Variants in ELAPOR2 observed in about 807,000 individuals in gnomAD.
ELAPOR2 encodes endosome-lysosome associated apoptosis and autophagy regulator family member 2, also known as endosome/lysosome-associated apoptosis and autophagy regulator family member 2.
In ELAPOR2, 89 loss-of-function variants were observed where a neutral mutation model predicts 120.7. The observed-to-expected ratio is 0.74, with a 90% CI of 0.62 to 0.88. ELAPOR2 has a LOEUF of 0.88. Ranked by LOEUF, ELAPOR2 falls within the 40% of genes least tolerant of loss-of-function variation. The pLI is 0.00. For synonymous variants in ELAPOR2, 444 were observed against 444.9 expected (o/e 1.00, Z 0.03); for missense variants, 1,134 against 1,251.6 (o/e 0.91, Z 1.42).
intron 7 of ELAPOR2, among the ~76,000 whole-genome samples, chr7:86,938,535 T>C (rs560763004): frequency 1.8e-4 from 28 of 152,198 alleles, no homozygotes; most frequent in African/African-American, 5.3e-4. Context: ...ACAAATCATG[T>C]AAAAGTATAA....
Position 86,876,991 on chromosome 7 carries a change from T to A in ELAPOR2, c.*3480A>T, listed in dbSNP as rs1242663034. 6.6e-6 allele frequency: 1 copy of A among 152,158 alleles called. No individual in the cohort carries two copies. The highest frequency in any genetic ancestry group is 1.5e-5 in the Non-Finnish European group (1 of 68,032). The allele number at this position is 152,158 out of a possible 1,614,324, so 9.4% of individuals were successfully genotyped here. On this transcript the variant is annotated 3_prime_UTR_variant, in exon 22 of 22. Coordinates refer to ENST00000450689, the MANE Select transcript of ELAPOR2 (RefSeq NM_001142749.3). ...GTATGTGGTTGCTTTCATACTACAATGGCAGAGTTGAGTAAATGCAATAGA... is the reference window on the plus strand; with the variant it reads ...GTATGTGGTTGCTTTCATACTACAAAGGCAGAGTTGAGTAAATGCAATAGA...
In ELAPOR2 at chr7:86,912,217, A is replaced by T. The variant is rs1276131062; in HGVS notation, c.2024T>A (p.Phe675Tyr). 1 of 1,607,060 alleles carries T rather than the reference A, an allele frequency of 6.2e-7. No individual in the cohort carries two copies. The highest frequency in any genetic ancestry group is 2.2e-5 in the East Asian group (1 of 44,678). ...CTGATTTTCTTTTTCATGGTAGAAAAAGCAGTCACTATAGCAAACCGAATG... is the reference window on the plus strand; with the variant it reads ...CTGATTTTCTTTTTCATGGTAGAAATAGCAGTCACTATAGCAAACCGAATG... ...QDHSVCYSDC[F>Y]FYHEKENQSL... Residue 675 changes from phenylalanine to tyrosine, a missense_variant, in exon 15 of 22, where the codon TTT becomes TAT. Phe to Tyr is a conservative substitution (Grantham distance 22). Coordinates refer to ENST00000450689, the MANE Select transcript of ELAPOR2 (RefSeq NM_001142749.3).
At chr7:87,045,725 A>C (rs568102554) in intron 1 of ELAPOR2, among the ~76,000 whole-genome samples, 51 of 151,812 alleles carry the variant, frequency 3.4e-4, no homozygotes, top group Middle Eastern at 3.4e-3. Flanking sequence ...AACCTGCACA[A>C]TGTGCACATG....
rs1222950910 is a variant in ELAPOR2, at chr7:86,913,207, A to G, written c.1732-3T>C. On this transcript the variant is annotated splice_region_variant and splice_polypyrimidine_tract_variant and intron_variant, in intron 13 of 21. Coordinates refer to ENST00000450689, the MANE Select transcript of ELAPOR2 (RefSeq NM_001142749.3). ...ATGTCATTGATGAACCGTCTATTCT[A>G]AAAAAAAGAGCATAAAGTAATGACT... 9 of 1,606,746 alleles carry G rather than the reference A, an allele frequency of 5.6e-6. No homozygotes were observed. The highest frequency in any genetic ancestry group is 7.7e-6 in the Non-Finnish European group (9 of 1,174,784).
intron 1 of ELAPOR2, among the ~76,000 whole-genome samples, chr7:87,057,549 T>C (rs2129019183): frequency 6.6e-6 from 1 of 152,280 alleles, no homozygotes; most frequent in Non-Finnish European, 1.5e-5. Context: ...AGAAGGAAAA[T>C]GTAAATTTCA....
At position 86,897,497 on chromosome 7, in the gene ELAPOR2, A is replaced by G. The variant is rs1788493189; in HGVS notation, c.2685+9T>C. The G allele has an allele frequency of 6.2e-7, 1 of 1,611,534 alleles. No individual in the cohort carries two copies. The highest frequency in any genetic ancestry group is 8.5e-7 in the Non-Finnish European group (1 of 1,178,742). ...TGCCGAAGCTCTGCCTTGAGAGTTT[A>G]TCCCTTACCTGAAATCCTCTCTTGC... On this transcript the variant is annotated intron_variant, in intron 19 of 21. Coordinates refer to ENST00000450689, the MANE Select transcript of ELAPOR2 (RefSeq NM_001142749.3).
At chr7:87,009,034 T>C (rs1793572578) in intron 1 of ELAPOR2, among the ~76,000 whole-genome samples, 1 of 152,142 alleles carries the variant, frequency 6.6e-6, no homozygotes, top group African/African-American at 2.4e-5. Flanking sequence ...ATACCTGAAT[T>C]CACTGACTGA....
intron 1 of ELAPOR2, among the ~76,000 whole-genome samples, chr7:86,994,103 T>C (rs773798706): frequency 2.9e-4 from 44 of 152,238 alleles, no homozygotes; most frequent in Non-Finnish European, 4.0e-4. Context: ...CTTATATCTC[T>C]TTGTAATCCT....
intron 1 of ELAPOR2, among the ~76,000 whole-genome samples, chr7:87,022,632 T>C (rs1234234082): frequency 6.6e-6 from 1 of 152,034 alleles, no homozygotes; most frequent in African/African-American, 2.4e-5. Context: ...TTTCTAGTTC[T>C]AGATCCCTGA....
chr7:86,961,821 G>T (rs1407970284), intron 2 of ELAPOR2, among the ~76,000 whole-genome samples: 1 of 152,190 alleles, frequency 6.6e-6, no homozygotes. Context: ...GCCCACAGAT[G>T]CTAAACTCTT....
intron 1 of ELAPOR2, among the ~76,000 whole-genome samples, chr7:87,049,561 C>G (rs535924658): frequency 6.6e-6 from 1 of 152,224 alleles, no homozygotes; most frequent in Non-Finnish European, 1.5e-5. Flanking sequence ...GGATTACAGG[C>G]GCCTGGCCGG....
chr7:86,915,253 C>T (rs1462705043), intron 12 of ELAPOR2, among the ~76,000 whole-genome samples: 1 of 151,932 alleles, frequency 6.6e-6, no homozygotes, highest in Admixed American at 6.6e-5. Context: ...GAATGGAAAG[C>T]CTTCAAATTT....
chr7:86,950,013 C>CA (rs1791178397), intron 2 of ELAPOR2, among the ~76,000 whole-genome samples: 1 of 152,208 alleles, frequency 6.6e-6, no homozygotes, highest in South Asian at 2.1e-4. Context: ...TTTTTCCCCC[C>CA]AGACTGCCCA....
In ELAPOR2 at chr7:86,986,443, A is replaced by G. The variant is rs991631309; in HGVS notation, c.190-21419T>C. On this transcript the variant is annotated intron_variant, in intron 1 of 21. Transcript: ENST00000450689. ...GACTCCGTCTCAAAAAAAAAAAAAA[A>G]GAAAACCCCATTGTCTCAGCCCAAA... 3.1e-5 allele frequency among the ~76,000 whole-genome samples: 4 copies of G among 128,428 alleles called. 1 individual carries two copies. The highest frequency in any genetic ancestry group is 1.3e-4 in the African/African-American group (4 of 29,804). 84.3% of individuals were successfully genotyped at this position (128,428 alleles called of 152,430 possible). A position where few individuals can be genotyped will look rare whatever the true frequency, so the allele number is the denominator to read the frequency against.
intron 11 of ELAPOR2, among the ~76,000 whole-genome samples, chr7:86,918,952 C>T (rs931042928): frequency 1.3e-5 from 2 of 152,010 alleles, no homozygotes; most frequent in Non-Finnish European, 2.9e-5. Flanking sequence ...ATTAAGCATC[C>T]AAGAATCAAA....
intron 1 of ELAPOR2, among the ~76,000 whole-genome samples, chr7:87,006,082 C>T (rs1170629659): frequency 6.6e-6 from 1 of 152,074 alleles, no homozygotes; most frequent in East Asian, 1.9e-4. Context: ...TAAAAATTGG[C>T]TTTTTGTGAT....
At chr7:87,021,345 C>T (rs528446103) in intron 1 of ELAPOR2, among the ~76,000 whole-genome samples, 1 of 152,240 alleles carries the variant, frequency 6.6e-6, no homozygotes, top group African/African-American at 2.4e-5. Flanking sequence ...TAGATACACA[C>T]GCATATATAC....
At chr7:86,992,981 T>C (rs1161970001) in intron 1 of ELAPOR2, among the ~76,000 whole-genome samples, 1 of 152,084 alleles carries the variant, frequency 6.6e-6, no homozygotes, top group Admixed American at 6.5e-5. Flanking sequence ...ATCACACCTA[T>C]AATCCCAACA....
chr7:86,908,537 G>T lies in ELAPOR2; in HGVS notation c.2366C>A (p.Thr789Lys). ...AATATTTTTCAATGTGGTTTCAACT[G>T]TGACTCCTAGATGACATTTAAAAAG... ...IILADTFIGV[T>K]VETTLKNINI... Residue 789 changes from threonine (T) to lysine (K), a missense_variant, in exon 17 of 22, where the codon ACA becomes AAA. Thr to Lys is a moderately conservative substitution (Grantham distance 78). Coordinates refer to ENST00000450689, the MANE Select transcript of ELAPOR2 (RefSeq NM_001142749.3). 1.3e-6 allele frequency: 2 copies of T among 1,482,130 alleles called. No individual in the cohort carries two copies. Among genetic ancestry groups the T allele is most frequent in the Non-Finnish European group, 1.9e-6 (2 of 1,079,372 alleles). The allele number at this position is 1,482,130 out of a possible 1,614,324, so 91.8% of individuals were successfully genotyped here.
Sources: allele counts gnomAD v4.1 joint callset (sites outside exome capture counted in the v4.1 genomes callset), GRCh38; gene constraint gnomAD v4.1.1; transcripts MANE v1.5; gene names NCBI Gene and HGNC (gene_info 2026-07-23, HGNC 2026-07-21).